The following ROBO1 variants were observed in gnomAD, a reference collection of about 807,000 sequenced individuals.
ROBO1 encodes roundabout homolog 1.
ROBO1 carries 149 observed loss-of-function variants against 195.9 expected under a neutral mutation model. The observed-to-expected ratio is 0.76, with a 90% CI of 0.67 to 0.87. The LOEUF is 0.87. Among genes scored for constraint, ROBO1 ranks in the 40% least tolerant of loss-of-function variants. ROBO1 has a pLI of 0.00. For synonymous variants in ROBO1, 816 were observed against 733.2 expected (o/e 1.11, Z -1.82); for missense variants, 1,933 against 2,068.3 (o/e 0.93, Z 1.27).
chr3:79,289,092 A>ATTT (rs5850419), intron 2 of ROBO1, among the ~76,000 whole-genome samples: 11 of 147,664 alleles, frequency 7.4e-5, no homozygotes, highest in Non-Finnish European at 7.5e-5. Flanking sequence ...AGGTGAAATC[A>ATTT]TTTTTTTTTT....
intron 4 of ROBO1, among the ~76,000 whole-genome samples, chr3:78,872,027 C>A (rs959448261): frequency 2.0e-5 from 3 of 152,108 alleles, no homozygotes; most frequent in African/African-American, 7.2e-5. Flanking sequence ...ATGTTATCGA[C>A]AATATGAGAC....
intron 4 of ROBO1, among the ~76,000 whole-genome samples, chr3:78,901,157 G>A (rs1191912601): frequency 6.6e-6 from 1 of 152,146 alleles, no homozygotes; most frequent in East Asian, 1.9e-4. Flanking sequence ...GAAGTAACTA[G>A]GATATATTGC....
At chr3:78,761,245 G>A (rs1435042347) in intron 4 of ROBO1, among the ~76,000 whole-genome samples, 2 of 120,130 alleles carry the variant, frequency 1.7e-5, no homozygotes, top group African/African-American at 3.2e-5. Context: ...AAAACCATTA[G>A]CAACTTCAAG....
At position 79,013,861 on chromosome 3, in the gene ROBO1, C is replaced by G. The variant is rs564263339; in HGVS notation, c.173-74934G>C. On this transcript the variant is annotated intron_variant, in intron 3 of 30. Transcript: ENST00000464233. Reference sequence around the variant, plus strand: ...AAAAGTAGCCATTTTCATGAAGTTTCTTATTGCACCTAGAGTTGGAACTCC... The same window carrying G: ...AAAAGTAGCCATTTTCATGAAGTTTGTTATTGCACCTAGAGTTGGAACTCC... Among the ~76,000 whole-genome samples, 19 of 152,238 alleles carry G rather than the reference C, an allele frequency of 1.2e-4. No homozygotes were observed. In the South Asian group the frequency reaches 3.9e-3, roughly 32 times the overall value.
chr3:79,396,070 A>G (rs1210345250), intron 2 of ROBO1, among the ~76,000 whole-genome samples: 1 of 152,090 alleles, frequency 6.6e-6, no homozygotes, highest in Non-Finnish European at 1.5e-5. Context: ...AATCTTAATA[A>G]CCCTATAATT....
chr3:79,501,125 AT>A (rs1940048233), intron 2 of ROBO1, among the ~76,000 whole-genome samples: 1 of 151,986 alleles, frequency 6.6e-6, no homozygotes, highest in African/African-American at 2.4e-5. Context: ...TTTATAAGTC[AT>A]TTTTTATTGG....
Position 78,631,294 on chromosome 3 carries a change from G to C in ROBO1, c.3493C>G (p.His1165Asp). ...TTGGGTGTTCTTGCCCCTTTCTTGTGCCCCTGACTCCCTAGAAAGGAAATA... is the reference window on the plus strand; with the variant it reads ...TTGGGTGTTCTTGCCCCTTTCTTGTCCCCCTGACTCCCTAGAAAGGAAATA... Reference protein sequence around the residue: ...RGSSTSGSQGHKKGARTPKVP... With the variant: ...RGSSTSGSQGDKKGARTPKVP... Residue 1165 changes from histidine to aspartate, a missense_variant, in exon 25 of 31, where the codon CAC becomes GAC. Physicochemically the swap from His to Asp is moderately conservative, Grantham distance 81 (BLOSUM62 -1). This residue lies in a region of ROBO1 where 1,737 missense variants were observed against 1,882.5 expected (regional missense o/e 0.92). Coordinates refer to ENST00000464233, the MANE Select transcript of ROBO1 (RefSeq NM_002941.4). The C allele has an allele frequency of 2.5e-6, 4 of 1,612,932 alleles. No individual in the cohort carries two copies. The highest frequency in any genetic ancestry group is 1.3e-5 in the African/African-American group (1 of 74,996).
intron 8 of ROBO1, among the ~76,000 whole-genome samples, chr3:78,693,968 T>G (rs1454845213): frequency 6.6e-6 from 1 of 152,196 alleles, no homozygotes; most frequent in African/African-American, 2.4e-5. Context: ...CATCCAAGTT[T>G]TGCTGGCCTA....
chr3:78,818,880 T>C (rs144236158), intron 4 of ROBO1, among the ~76,000 whole-genome samples: 25 of 152,368 alleles, frequency 1.6e-4, no homozygotes, highest in Non-Finnish European at 3.2e-4. Context: ...TGAGTGACAC[T>C]ACATTTGCAT....
chr3:79,598,232 A>G (rs1435202772), intron 1 of ROBO1, among the ~76,000 whole-genome samples: 1 of 152,108 alleles, frequency 6.6e-6, no homozygotes, highest in Non-Finnish European at 1.5e-5. Flanking sequence ...GTATACTTAA[A>G]ATAGTACATC....
At chr3:78,935,332 G>C (rs905006284) in intron 4 of ROBO1, among the ~76,000 whole-genome samples, 2 of 151,972 alleles carry the variant, frequency 1.3e-5, no homozygotes, top group Admixed American at 6.6e-5. Context: ...GAAACAAATA[G>C]CCATATGCTG....
chr3:78,949,033 A>G (rs571777721), intron 3 of ROBO1, among the ~76,000 whole-genome samples: 1 of 147,426 alleles, frequency 6.8e-6, no homozygotes, highest in Middle Eastern at 3.2e-3. Context: ...ATGGAAGAAC[A>G]TTCCATGCTC....
At chr3:79,335,437 C>T (rs770259367) in intron 2 of ROBO1, among the ~76,000 whole-genome samples, 1 of 152,100 alleles carries the variant, frequency 6.6e-6, no homozygotes, top group Admixed American at 6.6e-5. Flanking sequence ...GGACAGTTTC[C>T]TTCATACTGT....
chr3:79,462,132 T>C (rs1205018214), intron 2 of ROBO1, among the ~76,000 whole-genome samples: 1 of 152,136 alleles, frequency 6.6e-6, no homozygotes, highest in Non-Finnish European at 1.5e-5. Context: ...TTATGGATTG[T>C]AGGGTAGAAA....
intron 2 of ROBO1, among the ~76,000 whole-genome samples, chr3:79,525,555 T>A (rs527292877): frequency 1.2e-3 from 169 of 145,010 alleles, no homozygotes; most frequent in African/African-American, 4.1e-3. Flanking sequence ...TATATATATA[T>A]AAATATATAT....
chr3:79,657,268 C>T (rs1946195177), intron 1 of ROBO1, among the ~76,000 whole-genome samples: 1 of 151,992 alleles, frequency 6.6e-6, no homozygotes, highest in Non-Finnish European at 1.5e-5. Flanking sequence ...AAGAAATACA[C>T]AATGCTGAAT....
intron 2 of ROBO1, among the ~76,000 whole-genome samples, chr3:79,358,103 A>G (rs1559842815): frequency 6.6e-6 from 1 of 152,092 alleles, no homozygotes; most frequent in Non-Finnish European, 1.5e-5. Context: ...CGTCACTTAC[A>G]TAGCTATGTG....
intron 2 of ROBO1, among the ~76,000 whole-genome samples, chr3:79,168,180 T>G (rs1469312282): frequency 1.3e-5 from 2 of 152,168 alleles, no homozygotes; most frequent in Non-Finnish European, 2.9e-5. Context: ...GTGATTTGGC[T>G]AATTGCGTAT....
chr3:78,598,255 A>G lies in ROBO1; in HGVS notation c.*658T>C, dbSNP rs1702954525. 1 of 152,352 alleles carries G rather than the reference A, an allele frequency of 6.6e-6. No individual in the cohort carries two copies. The highest frequency in any genetic ancestry group is 1.5e-5 in the Non-Finnish European group (1 of 68,038). 9.4% of individuals were successfully genotyped at this position (152,352 alleles called of 1,614,324 possible). A position where few individuals can be genotyped will look rare whatever the true frequency, so the allele number is the denominator to read the frequency against. On this transcript the variant is annotated 3_prime_UTR_variant, in exon 31 of 31. Transcript: ENST00000464233. ...CTACTTATCCAAAAGTACATTTCCA[A>G]TAAGAATATACTTCAATGATTGAAA...
Sources: allele counts gnomAD v4.1 joint callset (sites outside exome capture counted in the v4.1 genomes callset), GRCh38; gene constraint gnomAD v4.1.1; regional missense constraint gnomAD v4.1.1; transcripts MANE v1.5; gene names NCBI Gene and HGNC (gene_info 2026-07-23, HGNC 2026-07-21).